MSH3: variants seen among roughly 807,000 people sequenced by gnomAD.
The protein encoded by MSH3 is DNA mismatch repair protein Msh3.
A neutral mutation model predicts 123.3 loss-of-function variants in MSH3; 106 were observed. The ratio of observed to expected loss-of-function variants is 0.86; its 90% CI spans 0.73 to 1.01. MSH3 has a LOEUF of 1.01. Ranked by LOEUF, MSH3 falls within the 50% of genes least tolerant of loss-of-function variation. The pLI is 0.00. For missense variants in MSH3, 1,459 were observed against 1,347.6 expected, an observed-to-expected ratio of 1.08 and a Z score of -1.29; for synonymous variants, 515 against 481.4, an observed-to-expected ratio of 1.07 and a Z score of -0.91.
chr5:80,786,763 A>G (rs1215950325), intron 17 of MSH3, among the ~76,000 whole-genome samples: 1 of 152,194 alleles, frequency 6.6e-6, no homozygotes, highest in Non-Finnish European at 1.5e-5. Context: ...ACACATTGAC[A>G]TAAAATACTA....
intron 20 of MSH3, among the ~76,000 whole-genome samples, chr5:80,816,303 T>C (rs72765589): frequency 0.15 from 22,714 of 152,234 alleles, 1,811 homozygotes; most frequent in East Asian, 0.24. Flanking sequence ...TGATATGATC[T>C]GGTCAGGAAG....
At chr5:80,727,885 C>T (rs193020841) in intron 9 of MSH3, among the ~76,000 whole-genome samples, 50 of 151,712 alleles carry the variant, frequency 3.3e-4, no homozygotes, top group African/African-American at 1.1e-3. Context: ...AGCACTTGAA[C>T]GAAGATTTGA....
chr5:80,664,270 G>C (rs1749513122), intron 2 of MSH3, among the ~76,000 whole-genome samples: 1 of 152,180 alleles, frequency 6.6e-6, no homozygotes, highest in African/African-American at 2.4e-5. Context: ...CATGCAGAAA[G>C]CATATCATGG....
At chr5:80,667,946 T>C (rs1561435309) in intron 3 of MSH3, among the ~76,000 whole-genome samples, 1 of 152,194 alleles carries the variant, frequency 6.6e-6, no homozygotes, top group Non-Finnish European at 1.5e-5. Flanking sequence ...TGCCATTCGG[T>C]GGGTCCCAGG....
At chr5:80,814,737 A>G (rs985121220) in intron 20 of MSH3, among the ~76,000 whole-genome samples, 1 of 152,222 alleles carries the variant, frequency 6.6e-6, no homozygotes, top group Admixed American at 6.5e-5. Flanking sequence ...GCAGACCTGA[A>G]ACAAACTGCA....
At position 80,678,973 on chromosome 5, in the gene MSH3, A is replaced by T; in HGVS notation, c.1220A>T (p.Asp407Val). ...TGEVVFDSFQ[D>V]SASRSELETR... ...GAGGTTGTGTTTGATAGTTTCCAGG[A>T]CTCTGCTTCTCGTTCAGAGCTAGAA... Residue 407 changes from aspartate to valine, a missense_variant, in exon 8 of 24, where the codon GAC (aspartate) becomes GTC (valine). Transcript: ENST00000265081. The T allele has an allele frequency of 6.2e-7, 1 of 1,613,910 alleles. No homozygotes were observed. The highest frequency in any genetic ancestry group is 8.5e-7 in the Non-Finnish European group (1 of 1,179,964).
Position 80,654,908 on chromosome 5 carries a change from G to GCAGCGCCCGCAGCGCCCCCAGCGCCCC in MSH3, c.189_190insGCAGCGCCCCCAGCGCCCCCAGCGCCC (p.Pro63_Pro64insAlaAlaProProAlaProProAlaPro). The GCAGCGCCCGCAGCGCCCCCAGCGCCCC allele has an allele frequency of 6.5e-7, 1 of 1,538,992 alleles. No individual in the cohort carries two copies. Among genetic ancestry groups the GCAGCGCCCGCAGCGCCCCCAGCGCCCC allele is most frequent in the South Asian group, 1.2e-5 (1 of 84,996 alleles). On this transcript the variant is annotated inframe_insertion, in exon 1 of 24. Transcript: ENST00000265081. ...AGCGGCTGCAGCGGCCGCAGCGGCCGCAGCGCCCCCAGCGCCCCCAGCTCC... is the reference window on the plus strand; with the variant it reads ...AGCGGCTGCAGCGGCCGCAGCGGCCGCAGCGCCCGCAGCGCCCCCAGCGCCCCCAGCGCCCCCAGCGCCCCCAGCTCC...
At chr5:80,705,004 C>T (rs1346531897) in intron 8 of MSH3, among the ~76,000 whole-genome samples, 1 of 152,170 alleles carries the variant, frequency 6.6e-6, no homozygotes. Flanking sequence ...TTAACCTCTC[C>T]ATGGCTCAGT....
rs146657445 is a variant in MSH3 at position 80,775,730 on chromosome 5, A to T, written c.2290A>T (p.Ile764Leu). Residue 764 changes from isoleucine (I) to leucine (L), a missense_variant, in exon 16 of 24, where the codon ATA becomes TTA. Physicochemically the swap from Ile to Leu is conservative, Grantham distance 5. Coordinates refer to ENST00000265081, the MANE Select transcript of MSH3 (RefSeq NM_002439.5). Reference protein sequence around the residue: ...IEIKNSAVSCIPTDWVKVGST... With the variant: ...IEIKNSAVSCLPTDWVKVGST... ...AATAAAGAACTCTGCTGTATCTTGT[A>T]TACCAACTGATTGGGTAAAGGTTGG... 3.0e-5 allele frequency: 48 copies of T among 1,588,870 alleles called. No homozygotes were observed. The African/African-American group carries it at 6.4e-4, about 21-fold the overall frequency.
intron 4 of MSH3, 73 bp downstream of exon 4, chr5:80,670,382 C>A: frequency 1.4e-6 from 2 of 1,426,560 alleles, no homozygotes; most frequent in East Asian, 4.6e-5. Context: ...ATTTTTGTTT[C>A]ATTTTCTGAC....
intron 2 of MSH3, among the ~76,000 whole-genome samples, chr5:80,662,493 C>T (rs934430618): frequency 2.6e-5 from 4 of 152,086 alleles, no homozygotes; most frequent in African/African-American, 9.7e-5. Context: ...GTTTTAAATA[C>T]TGTCAAAGTC....
At chr5:80,662,564 C>T (rs866825646) in intron 2 of MSH3, among the ~76,000 whole-genome samples, 25 of 152,208 alleles carry the variant, frequency 1.6e-4, no homozygotes, top group South Asian at 6.2e-4. Context: ...CGGTGGCTCA[C>T]GCCTTTAATC....
chr5:80,806,228 A>G (rs1744888523), intron 19 of MSH3, among the ~76,000 whole-genome samples: 1 of 152,130 alleles, frequency 6.6e-6, no homozygotes, highest in African/African-American at 2.4e-5. Flanking sequence ...CCTCCCAAGT[A>G]GCTGGGATTA....
intron 2 of MSH3, among the ~76,000 whole-genome samples, chr5:80,658,318 C>G (rs951887466): frequency 6.6e-6 from 1 of 152,152 alleles, no homozygotes; most frequent in Admixed American, 6.5e-5. Context: ...CTTGGCCTCC[C>G]AAAGTGCTGG....
chr5:80,683,284 A>G (rs1190956966), intron 8 of MSH3, among the ~76,000 whole-genome samples: 1 of 151,954 alleles, frequency 6.6e-6, no homozygotes, highest in Non-Finnish European at 1.5e-5. Context: ...TTTTTTTTCA[A>G]ACTACTCTCC....
intron 23 of MSH3, among the ~76,000 whole-genome samples, chr5:80,873,544 A>G (rs961483799): frequency 8.5e-5 from 13 of 152,230 alleles, no homozygotes; most frequent in Non-Finnish European, 1.5e-5. Context: ...TAACTCCTTA[A>G]TATGTGCCAC....
chr5:80,707,722 A>T, intron 8 of MSH3, among the ~76,000 whole-genome samples: 1 of 152,166 alleles, frequency 6.6e-6, no homozygotes. Context: ...ACAGAACAAG[A>T]CCCTGTCTCA....
chr5:80,860,443 G>T (rs1032075658), intron 21 of MSH3, among the ~76,000 whole-genome samples: 76 of 137,162 alleles, frequency 5.5e-4, no homozygotes, highest in Non-Finnish European at 6.9e-4. Flanking sequence ...GAGGTTTGTT[G>T]TTTTTTTTTT....
At chr5:80,755,572 A>G (rs1184246050) in intron 12 of MSH3, among the ~76,000 whole-genome samples, 1 of 152,208 alleles carries the variant, frequency 6.6e-6, no homozygotes, top group Non-Finnish European at 1.5e-5. Context: ...TGAAATAACT[A>G]GATATGCTGG....
Sources: allele counts gnomAD v4.1 joint callset (sites outside exome capture counted in the v4.1 genomes callset), GRCh38; gene constraint gnomAD v4.1.1; transcripts MANE v1.5; gene names NCBI Gene and HGNC (gene_info 2026-07-23, HGNC 2026-07-21).